The following DNAI7 variants were observed in gnomAD, a reference collection of about 807,000 sequenced individuals.
The protein encoded by DNAI7 is cancer susceptibility 1.
A neutral mutation model predicts 86.6 loss-of-function variants in DNAI7; 78 were observed. The observed-to-expected ratio is 0.90, with a 90% CI of 0.75 to 1.09. DNAI7 has a LOEUF of 1.09. DNAI7 is among the 50% of genes least tolerant of loss of function. The probability of loss-of-function intolerance (pLI) is 0.00; values close to 1 mark genes in which losing one functional copy is unlikely to be tolerated. For synonymous variants in DNAI7, 274 were observed against 273.0 expected, an observed-to-expected ratio of 1.00 and a Z score of -0.04; for missense variants, 753 against 810.2, an observed-to-expected ratio of 0.93 and a Z score of 0.86.
At chr12:25,110,470 A>C (rs1465913812) in intron 14 of DNAI7, among the ~76,000 whole-genome samples, 1 of 152,072 alleles carries the variant, frequency 6.6e-6, no homozygotes, top group African/African-American at 2.4e-5. Context: ...TCCCGACTCC[A>C]CATATACCCC....
intron 8 of DNAI7, among the ~76,000 whole-genome samples, chr12:25,145,144 C>T (rs1944670429): frequency 1.3e-5 from 2 of 152,102 alleles, no homozygotes; most frequent in African/African-American, 2.4e-5. Flanking sequence ...CTAAAAATGC[C>T]CTTCCACAAG....
At chr12:25,163,897 T>C (rs1157421167) in intron 2 of DNAI7, among the ~76,000 whole-genome samples, 2 of 152,208 alleles carry the variant, frequency 1.3e-5, no homozygotes, top group African/African-American at 4.8e-5. Flanking sequence ...TCTTTTCTAG[T>C]AGAGACAAAG....
chr12:25,191,014 T>C (rs547639423), intron 1 of DNAI7, among the ~76,000 whole-genome samples: 5 of 152,166 alleles, frequency 3.3e-5, no homozygotes, highest in Non-Finnish European at 5.9e-5. Context: ...ATTGACCAAT[T>C]ATTGGCACTA....
At chr12:25,147,476 A>ACACC (rs1555170057) in intron 7 of DNAI7, among the ~76,000 whole-genome samples, 1 of 148,004 alleles carries the variant, frequency 6.8e-6, no homozygotes, top group Non-Finnish European at 1.5e-5. Context: ...ACATAATGAG[A>ACACC]CCACCCCCAT....
chr12:25,114,009 G>A (rs1455709706), intron 13 of DNAI7, among the ~76,000 whole-genome samples: 3 of 133,858 alleles, frequency 2.2e-5, no homozygotes, highest in Non-Finnish European at 3.1e-5. Context: ...GCAGTGGTAC[G>A]ATCTCGGCTC....
At chr12:25,135,973 C>G (rs1437079308) in intron 9 of DNAI7, among the ~76,000 whole-genome samples, 1 of 152,188 alleles carries the variant, frequency 6.6e-6, no homozygotes, top group Non-Finnish European at 1.5e-5. Context: ...ATGGCCCCAT[C>G]CATCACCTGA....
In DNAI7 at chr12:25,194,571, A is replaced by G. The variant is rs1156952313; in HGVS notation, c.3+505T>C. ...TGGCAGTTGAGGAGTGCAGAAAAAC[A>G]AAATGAGAAGCCTTATCATATTTAA... On this transcript the variant is annotated intron_variant, in intron 1 of 15. Transcript: ENST00000395987. Among the ~76,000 whole-genome samples, 5 of 152,244 alleles carry G rather than the reference A, an allele frequency of 3.3e-5. No homozygotes were observed. The East Asian group carries it at 7.7e-4, about 23-fold the overall frequency.
chr12:25,183,165 C>T (rs1394573345), intron 2 of DNAI7, among the ~76,000 whole-genome samples: 1 of 151,458 alleles, frequency 6.6e-6, no homozygotes, highest in African/African-American at 2.4e-5. Flanking sequence ...TAAATGTTCT[C>T]ACTTATAAGT....
chr12:25,182,282 G>A (rs1592692030), intron 2 of DNAI7, among the ~76,000 whole-genome samples: 1 of 149,770 alleles, frequency 6.7e-6, no homozygotes, highest in East Asian at 2.0e-4. Flanking sequence ...GGGGGGCGGA[G>A]GTTGCAGTGA....
chr12:25,108,921 A>C (rs1949517513), intron 15 of DNAI7, 98 bp from the exon 16 acceptor site: 1 of 727,206 alleles, frequency 1.4e-6, no homozygotes, highest in Non-Finnish European at 2.1e-6. Context: ...TTTATCCCCC[A>C]AAATTGCAAA....
intron 11 of DNAI7, among the ~76,000 whole-genome samples, chr12:25,121,435 G>C (rs1028158862): frequency 1.3e-5 from 2 of 152,104 alleles, no homozygotes; most frequent in African/African-American, 4.8e-5. Flanking sequence ...TTACCATCTG[G>C]CCTGTTACAG....
chr12:25,117,037 A>C (rs1392946772), intron 12 of DNAI7, among the ~76,000 whole-genome samples: 2 of 151,782 alleles, frequency 1.3e-5, no homozygotes, highest in African/African-American at 4.8e-5. Flanking sequence ...GGGCTCAAAC[A>C]ATGCTCCCAC....
At chr12:25,125,578 A>G (rs964876393) in intron 9 of DNAI7, among the ~76,000 whole-genome samples, 5 of 152,286 alleles carry the variant, frequency 3.3e-5, no homozygotes, top group African/African-American at 1.2e-4. Flanking sequence ...CTCTGTTGAT[A>G]GTTTCTTTTG....
chr12:25,120,331 A>AGAGAGAGAGAGAGAGAGAGAGAGAG, intron 11 of DNAI7, among the ~76,000 whole-genome samples: 1 of 148,258 alleles, frequency 6.7e-6, no homozygotes, highest in Non-Finnish European at 1.5e-5. Flanking sequence ...AGAGAGAGAG[A>AGAGAGAGAGAGAGAGAGAGAGAGAG]GAGAGAGAGA....
At chr12:25,122,968 A>G (rs1457020331) in intron 10 of DNAI7, among the ~76,000 whole-genome samples, 1 of 152,254 alleles carries the variant, frequency 6.6e-6, no homozygotes, top group Non-Finnish European at 1.5e-5. Flanking sequence ...GTGGGAAAAA[A>G]GTAATTCTCA....
intron 2 of DNAI7, among the ~76,000 whole-genome samples, chr12:25,177,818 C>T (rs990522913): frequency 4.0e-4 from 61 of 152,156 alleles, no homozygotes; most frequent in Admixed American, 2.0e-3. Flanking sequence ...AATTTCAGCA[C>T]TTTTGCTCAT....
chr12:25,151,127 G>C (rs758536405), intron 6 of DNAI7, among the ~76,000 whole-genome samples: 2 of 152,130 alleles, frequency 1.3e-5, no homozygotes, highest in Non-Finnish European at 2.9e-5. Flanking sequence ...CGTAGCGTAG[G>C]GTAGTATGGA....
intron 1 of DNAI7, chr12:25,194,745 G>A: frequency 1.3e-6 from 1 of 789,920 alleles, no homozygotes; most frequent in Non-Finnish European, 2.0e-6. Context: ...GTTGCAATAA[G>A]AAAATTTAGT....
intron 2 of DNAI7, among the ~76,000 whole-genome samples, chr12:25,166,587 C>A (rs948334549): frequency 6.6e-6 from 1 of 152,156 alleles, no homozygotes; most frequent in Non-Finnish European, 1.5e-5. Context: ...CGGCATAATT[C>A]TCATAAAGAC....
Sources: allele counts gnomAD v4.1 joint callset (sites outside exome capture counted in the v4.1 genomes callset), GRCh38; gene constraint gnomAD v4.1.1; transcripts MANE v1.5; gene names NCBI Gene and HGNC (gene_info 2026-07-23, HGNC 2026-07-21).